GRID1: variants seen among roughly 807,000 people sequenced by gnomAD.
The protein encoded by GRID1 is glutamate ionotropic receptor delta type subunit 1, also known as glutamate receptor ionotropic, delta-1.
Under a neutral mutation model 98.0 loss-of-function variants are expected in GRID1, and 28 were observed. The observed-to-expected ratio is 0.29, with a 90% CI of 0.21 to 0.39. The LOEUF is 0.39. GRID1 is among the 10% of genes least tolerant of loss of function. The probability of loss-of-function intolerance (pLI) is 1.00; values close to 1 mark genes in which losing one functional copy is unlikely to be tolerated. For missense variants in GRID1, 1,111 were observed against 1,340.5 expected, an observed-to-expected ratio of 0.83 and a Z score of 2.67; for synonymous variants, 553 against 538.5, an observed-to-expected ratio of 1.03 and a Z score of -0.37.
intron 3 of GRID1, among the ~76,000 whole-genome samples, chr10:86,170,753 G>C (rs886909036): frequency 6.6e-6 from 1 of 152,226 alleles, no homozygotes; most frequent in African/African-American, 2.4e-5. Context: ...AGGAGGAAGA[G>C]TCCTTCTTGG....
intron 13 of GRID1, among the ~76,000 whole-genome samples, chr10:85,623,871 A>T (rs1458334673): frequency 6.6e-6 from 1 of 152,210 alleles, no homozygotes; most frequent in African/African-American, 2.4e-5. Context: ...TCTGGAAAGG[A>T]CAGAGCATCA....
At chr10:85,931,648 T>C (rs1457106455) in intron 4 of GRID1, among the ~76,000 whole-genome samples, 1 of 152,248 alleles carries the variant, frequency 6.6e-6, no homozygotes, top group East Asian at 1.9e-4. Context: ...AGACTAATAA[T>C]AGCATTTTTG....
intron 5 of GRID1, among the ~76,000 whole-genome samples, chr10:85,877,544 C>A (rs1403778422): frequency 6.6e-6 from 1 of 152,214 alleles, no homozygotes; most frequent in African/African-American, 2.4e-5. Flanking sequence ...CTCCAACAGA[C>A]CTCCAGCTGA....
chr10:85,818,876 C>T (rs985313086), intron 8 of GRID1, among the ~76,000 whole-genome samples: 6 of 152,028 alleles, frequency 3.9e-5, no homozygotes, highest in Admixed American at 3.9e-4. Context: ...TGCCACCACA[C>T]CTGGATAATT....
At chr10:86,247,699 A>G (rs539717891) in intron 2 of GRID1, among the ~76,000 whole-genome samples, 21 of 152,078 alleles carry the variant, frequency 1.4e-4, no homozygotes, top group Non-Finnish European at 2.5e-4. Context: ...TGGGATTGAG[A>G]GGGGGAAGTG....
At chr10:85,799,287 T>C (rs1842553785) in intron 8 of GRID1, among the ~76,000 whole-genome samples, 1 of 152,174 alleles carries the variant, frequency 6.6e-6, no homozygotes, top group South Asian at 2.1e-4. Flanking sequence ...TGCCTCCAGC[T>C]TTGTTCTTTT....
At chr10:85,636,184 C>T (rs921385428) in intron 13 of GRID1, among the ~76,000 whole-genome samples, 3 of 152,104 alleles carry the variant, frequency 2.0e-5, no homozygotes, top group South Asian at 2.1e-4. Flanking sequence ...AGGAAGACCC[C>T]GGGTAAAATA....
intron 2 of GRID1, among the ~76,000 whole-genome samples, chr10:86,259,822 C>T (rs1260031267): frequency 1.3e-5 from 2 of 152,232 alleles, no homozygotes; most frequent in African/African-American, 4.8e-5. Flanking sequence ...TCTTCCATAG[C>T]AGGCTCCAAA....
chr10:86,058,201 G>A (rs140717158), intron 4 of GRID1, among the ~76,000 whole-genome samples: 38 of 152,290 alleles, frequency 2.5e-4, no homozygotes, highest in African/African-American at 8.9e-4. Context: ...CTATGGAAAG[G>A]AAGAGAGAAA....
chr10:86,314,026 A>C (rs1847866821), intron 2 of GRID1, among the ~76,000 whole-genome samples: 1 of 152,178 alleles, frequency 6.6e-6, no homozygotes, highest in Non-Finnish European at 1.5e-5. Flanking sequence ...ATGATCCATA[A>C]ACACTCTCCC....
chr10:86,113,741 G>C (rs1453809555), intron 4 of GRID1, among the ~76,000 whole-genome samples: 2 of 152,186 alleles, frequency 1.3e-5, no homozygotes, highest in African/African-American at 4.8e-5. Context: ...TGGGTGAGCT[G>C]GTGGGGCTGG....
At chr10:86,042,218 C>A (rs1490841184) in intron 4 of GRID1, among the ~76,000 whole-genome samples, 2 of 152,206 alleles carry the variant, frequency 1.3e-5, no homozygotes, top group African/African-American at 2.4e-5. Context: ...TTTCGCAATC[C>A]CCCCTGGGAC....
At chr10:86,100,521 T>C (rs1844282213) in intron 4 of GRID1, among the ~76,000 whole-genome samples, 1 of 152,010 alleles carries the variant, frequency 6.6e-6, no homozygotes, top group Admixed American at 6.5e-5. Flanking sequence ...AGTTATACAG[T>C]CAGGAGTGTT....
intron 4 of GRID1, among the ~76,000 whole-genome samples, chr10:85,926,854 A>G (rs1841780861): frequency 6.6e-6 from 1 of 152,186 alleles, no homozygotes; most frequent in Admixed American, 6.5e-5. Flanking sequence ...ATGAGGCAAA[A>G]ATCAATTAGA....
intron 2 of GRID1, among the ~76,000 whole-genome samples, chr10:86,360,201 A>G (rs927945406): frequency 1.1e-4 from 17 of 152,248 alleles, no homozygotes; most frequent in Admixed American, 9.2e-4. Context: ...TGAGAAATGT[A>G]TGCAGTTACT....
intron 4 of GRID1, among the ~76,000 whole-genome samples, chr10:86,000,386 G>A (rs1242054273): frequency 1.3e-5 from 2 of 152,104 alleles, no homozygotes; most frequent in African/African-American, 2.4e-5. Flanking sequence ...TTGGTCTATA[G>A]GTAACAAAAT....
chr10:86,045,161 G>A (rs753475566), intron 4 of GRID1, among the ~76,000 whole-genome samples: 55 of 152,216 alleles, frequency 3.6e-4, no homozygotes, highest in Non-Finnish European at 7.3e-5. Flanking sequence ...ACACATTGTG[G>A]TAGATTCTGT....
intron 3 of GRID1, among the ~76,000 whole-genome samples, chr10:86,154,573 C>A (rs1265141571): frequency 6.6e-6 from 1 of 152,166 alleles, no homozygotes; most frequent in African/African-American, 2.4e-5. Context: ...TAGAGAGTGG[C>A]TGCAGATCCT....
At chr10:85,831,961 A>G (rs1015890307) in intron 8 of GRID1, among the ~76,000 whole-genome samples, 2 of 152,094 alleles carry the variant, frequency 1.3e-5, no homozygotes, top group East Asian at 1.9e-4. Flanking sequence ...AAAGATTAAT[A>G]AAAATTTTAA....
Sources: gnomAD v4.1 joint callset for allele counts (sites outside exome capture counted in the v4.1 genomes callset) on GRCh38, gnomAD v4.1.1 for gene constraint, MANE v1.5 for transcripts, NCBI Gene and HGNC (gene_info 2026-07-23, HGNC 2026-07-21) for gene names.